PTRHD1: variants seen among roughly 807,000 people sequenced by gnomAD.
PTRHD1 encodes putative peptidyl-tRNA hydrolase PTRHD1.
In PTRHD1, 12 loss-of-function variants were observed where a neutral mutation model predicts 13.6. The observed-to-expected ratio is 0.88, with a 90% CI of 0.57 to 1.43. The LOEUF is 1.43. PTRHD1 is among the 40% of genes most tolerant of loss of function. The pLI is 0.00. For missense variants in PTRHD1, 203 were observed against 184.7 expected, an observed-to-expected ratio of 1.10 and a Z score of -0.57; for synonymous variants, 86 against 79.5, an observed-to-expected ratio of 1.08 and a Z score of -0.43.
chr2:24,792,773 A>C, intron 1 of PTRHD1: 1 of 317,406 alleles, frequency 3.2e-6, no homozygotes, highest in Non-Finnish European at 5.9e-6. Context: ...CTACCCAGGT[A>C]AATACTCAGT....
chr2:24,792,227 C>G (rs778329132), intron 1 of PTRHD1, among the ~76,000 whole-genome samples: 11 of 152,200 alleles, frequency 7.2e-5, no homozygotes, highest in Admixed American at 5.2e-4. Context: ...GAAGGGATTA[C>G]TCCACCCCTC....
chr2:24,791,913 G>C (rs1489139121), intron 1 of PTRHD1, among the ~76,000 whole-genome samples: 1 of 152,164 alleles, frequency 6.6e-6, no homozygotes, highest in Non-Finnish European at 1.5e-5. Flanking sequence ...AATGTAATCA[G>C]TAGCGACTCC....
chr2:24,792,145 T>A (rs1665642870), intron 1 of PTRHD1, among the ~76,000 whole-genome samples: 1 of 152,228 alleles, frequency 6.6e-6, no homozygotes. Context: ...TCCTACAGGT[T>A]ACCGCTTGAT....
chr2:24,790,956 C>G (rs1166582101), intron 1 of PTRHD1, among the ~76,000 whole-genome samples: 1 of 150,024 alleles, frequency 6.7e-6, no homozygotes, highest in African/African-American at 2.5e-5. Context: ...CAGAGTCTTG[C>G]TCTGTCGCCT....
intron 1 of PTRHD1, chr2:24,792,299 CG>C (rs1395428854): frequency 1.3e-5 from 2 of 152,100 alleles, no homozygotes; most frequent in African/African-American, 4.8e-5. Flanking sequence ...TTATTAAAGC[CG>C]TTTTTCCTTA....
intron 1 of PTRHD1, 73 bp downstream of exon 1, chr2:24,793,053 C>T (rs886533425): frequency 1.7e-5 from 26 of 1,510,246 alleles, no homozygotes; most frequent in African/African-American, 4.1e-5. Flanking sequence ...CGCAGCCAGG[C>T]CTTCGGACCG....
chr2:24,790,478 A>G lies in PTRHD1; in HGVS notation c.356T>C (p.Ile119Thr), dbSNP rs761574829. ...TTCCTTGGGGTAGGGCCGGAGAGCA[A>G]TACAAGTGGCGATATTCTCTGGTTG... ...LEQPENIATC[I>T]ALRPYPKEEV... Residue 119 changes from isoleucine to threonine, a missense_variant, in exon 2 of 2, where the codon ATT becomes ACT. Ile to Thr is a moderately conservative substitution (Grantham distance 89). Transcript: ENST00000328379. 9.9e-6 allele frequency: 16 copies of G among 1,614,222 alleles called. No homozygotes were observed. Among genetic ancestry groups the G allele is most frequent in the Non-Finnish European group, 1.4e-5 (16 of 1,180,044 alleles).
intron 1 of PTRHD1, among the ~76,000 whole-genome samples, chr2:24,791,207 G>A (rs946685932): frequency 6.6e-6 from 1 of 152,114 alleles, no homozygotes; most frequent in Admixed American, 6.5e-5. Flanking sequence ...TTACAGGAGT[G>A]AGCCACCATG....
chr2:24,790,638 G>A, intron 1 of PTRHD1, 57 bp from the exon 2 acceptor site: 2 of 1,528,184 alleles, frequency 1.3e-6, no homozygotes, highest in Non-Finnish European at 8.8e-7. Context: ...AGTGTCAAAA[G>A]GCCAAAAAAG....
At chr2:24,793,089 A>T in intron 1 of PTRHD1, 37 bp downstream of exon 1, 1 of 1,594,656 alleles carries the variant, frequency 6.3e-7, no homozygotes, top group Non-Finnish European at 8.5e-7. Context: ...TCCGCCCTCG[A>T]TGTCTCAGCA....
Position 24,793,035 on chromosome 2 carries a change from C to G in PTRHD1, c.252+91G>C. ...ACGATCACCCCAACTCCCGCCGCACCCACTCCCCGCAGCCAGGCCTTCGGA... is the reference window on the plus strand; with the variant it reads ...ACGATCACCCCAACTCCCGCCGCACGCACTCCCCGCAGCCAGGCCTTCGGA... On this transcript the variant is annotated intron_variant, in intron 1 of 1. Coordinates refer to ENST00000328379, the MANE Select transcript of PTRHD1 (RefSeq NM_001013663.2). The G allele has an allele frequency of 3.5e-6, 5 of 1,438,516 alleles. No individual in the cohort carries two copies. The South Asian group carries it at 6.6e-5, about 19-fold the overall frequency. 89.1% of individuals were successfully genotyped at this position (1,438,516 alleles called of 1,614,324 possible). A position where few individuals can be genotyped will look rare whatever the true frequency, so the allele number is the denominator to read the frequency against.
rs766190665 is a variant in PTRHD1, at chr2:24,790,357, C to T, written c.*54G>A. 1.6e-4 allele frequency: 257 copies of T among 1,575,640 alleles called. No individual in the cohort carries two copies. The highest frequency in any genetic ancestry group is 2.0e-4 in the Non-Finnish European group (233 of 1,157,412). ...GGGAGCAAGCTGACACTGCAAGGAA[C>T]ACATGATGCTTTGGAATGGGTGGCC... On this transcript the variant is annotated 3_prime_UTR_variant, in exon 2 of 2. Coordinates refer to ENST00000328379, the MANE Select transcript of PTRHD1 (RefSeq NM_001013663.2).
At position 24,790,256 on chromosome 2, in the gene PTRHD1, AGAGG is replaced by A; in HGVS notation, c.*151_*154del. 6.5e-6 allele frequency: 5 copies of A among 772,540 alleles called. No homozygotes were observed. Among genetic ancestry groups the A allele is most frequent in the Non-Finnish European group, 8.0e-6 (4 of 496,916 alleles). The allele number at this position is 772,540 out of a possible 1,614,324, so 47.9% of individuals were successfully genotyped here. On this transcript the variant is annotated 3_prime_UTR_variant, in exon 2 of 2. Transcript: ENST00000328379. Reference sequence around the variant, plus strand: ...CCTTCCCCACTTGAACTTATTAATAAGAGGAAGTAGTTATTAATGACAACTTTAA... The same window carrying A: ...CCTTCCCCACTTGAACTTATTAATAAAAGTAGTTATTAATGACAACTTTAA...
Position 24,793,154 on chromosome 2 carries a change from A to G in PTRHD1, c.224T>C (p.Leu75Pro). Residue 75 changes from leucine (L) to proline (P), a missense_variant, in exon 1 of 2, where the codon CTG (leucine) becomes CCG (proline). Physicochemically the swap from Leu to Pro is moderately conservative, Grantham distance 98. Coordinates refer to ENST00000328379, the MANE Select transcript of PTRHD1 (RefSeq NM_001013663.2). ...GAGGACCACTTTGCGCATGCGCCCC[A>G]GCTCTTGGAGGTAAGCGGCTGTGTG... ...HPHTAAYLQELGRMRKVVLEA... is the reference protein window; with the variant it reads ...HPHTAAYLQEPGRMRKVVLEA... 5 of 1,613,270 alleles carry G rather than the reference A, an allele frequency of 3.1e-6. No individual in the cohort carries two copies. Among genetic ancestry groups the G allele is most frequent in the Non-Finnish European group, 4.2e-6 (5 of 1,179,768 alleles).
chr2:24,792,776 TACTC>T, intron 1 of PTRHD1: 1 of 328,514 alleles, frequency 3.0e-6, no homozygotes, highest in South Asian at 5.2e-5. Context: ...CCCAGGTAAA[TACTC>T]AGTTTGACTT....
At chr2:24,793,008 T>C (rs1281501424) in intron 1 of PTRHD1, 118 bp downstream of exon 1, 2 of 1,246,222 alleles carry the variant, frequency 1.6e-6, no homozygotes, top group Non-Finnish European at 2.2e-6. Flanking sequence ...GTCTAAATGT[T>C]AACGATCACC....
intron 1 of PTRHD1, among the ~76,000 whole-genome samples, chr2:24,790,877 C>T (rs909818776): frequency 1.3e-5 from 2 of 151,936 alleles, no homozygotes; most frequent in African/African-American, 4.8e-5. Flanking sequence ...TGGCTGGCGC[C>T]CATAATTTTA....
rs1180033576 is a variant in PTRHD1 at position 24,789,947 on chromosome 2, C to G, written c.*464G>C. The G allele has an allele frequency of 6.4e-6, 1 of 156,132 alleles. No homozygotes were observed. The highest frequency in any genetic ancestry group is 1.4e-5 in the Non-Finnish European group (1 of 70,564). 9.7% of individuals were successfully genotyped at this position (156,132 alleles called of 1,614,324 possible). A position where few individuals can be genotyped will look rare whatever the true frequency, so the allele number is the denominator to read the frequency against. On this transcript the variant is annotated 3_prime_UTR_variant, in exon 2 of 2. Coordinates refer to ENST00000328379, the MANE Select transcript of PTRHD1 (RefSeq NM_001013663.2). ...TGGCTTCCCAAAACCCTGGAATTAA[C>G]AGATGTGAGCCACCACACTGGCCAA...
rs199831350 is a variant in PTRHD1 at position 24,793,389 on chromosome 2, G to A, written c.-12C>T. The A allele has an allele frequency of 3.5e-5, 57 of 1,611,000 alleles. No individual in the cohort carries two copies. The highest frequency in any genetic ancestry group is 4.8e-5 in the Non-Finnish European group (57 of 1,178,222). ...ACTCCCCGGTGCATCTTGGGATCAG[G>A]GCGGGGCCCTGAGCGCCGCCATGCT... On this transcript the variant is annotated 5_prime_UTR_variant, in exon 1 of 2. Coordinates refer to ENST00000328379, the MANE Select transcript of PTRHD1 (RefSeq NM_001013663.2).
Sources: gnomAD v4.1 joint callset for allele counts (sites outside exome capture counted in the v4.1 genomes callset) on GRCh38, gnomAD v4.1.1 for gene constraint, MANE v1.5 for transcripts, NCBI Gene and HGNC (gene_info 2026-07-23, HGNC 2026-07-21) for gene names.